The following KLF12 variants were observed in gnomAD, a reference collection of about 807,000 sequenced individuals.
The protein encoded by KLF12 is KLF transcription factor 12, also known as Krueppel-like factor 12.
Under a neutral mutation model 37.8 loss-of-function variants are expected in KLF12, and 9 were observed. The ratio of observed to expected loss-of-function variants is 0.24; its 90% CI spans 0.14 to 0.42. The LOEUF (loss-of-function observed/expected upper bound fraction) is 0.42. KLF12 is among the 10% of genes least tolerant of loss of function. The probability of loss-of-function intolerance (pLI) is 1.00; values close to 1 mark genes in which losing one functional copy is unlikely to be tolerated. For missense variants in KLF12, 411 were observed against 516.0 expected (o/e 0.80, Z 1.97); for synonymous variants, 208 against 202.1 (o/e 1.03, Z -0.25).
At chr13:74,022,102 T>C (rs977084466) in intron 1 of KLF12, among the ~76,000 whole-genome samples, 2 of 152,144 alleles carry the variant, frequency 1.3e-5, no homozygotes, top group Admixed American at 6.5e-5. Flanking sequence ...ATTCTAAATA[T>C]ACTGTCATTA....
chr13:74,000,698 AAGG>A (rs1210768522), intron 1 of KLF12, among the ~76,000 whole-genome samples: 3 of 152,204 alleles, frequency 2.0e-5, no homozygotes, highest in Admixed American at 1.3e-4. Flanking sequence ...CCATTTTCAG[AAGG>A]AGAAGGTAAA....
chr13:73,926,490 T>C (rs2139252661), intron 3 of KLF12, among the ~76,000 whole-genome samples: 1 of 152,096 alleles, frequency 6.6e-6, no homozygotes, highest in African/African-American at 2.4e-5. Flanking sequence ...TAATATGTAC[T>C]AGGAAACAAA....
chr13:73,977,825 A>T (rs1349130490), intron 2 of KLF12, among the ~76,000 whole-genome samples: 1 of 152,252 alleles, frequency 6.6e-6, no homozygotes, highest in Non-Finnish European at 1.5e-5. Context: ...ACATAAATAT[A>T]GTCAACTAAT....
intron 3 of KLF12, among the ~76,000 whole-genome samples, chr13:73,908,939 A>G (rs1888443918): frequency 6.6e-6 from 1 of 152,210 alleles, no homozygotes; most frequent in African/African-American, 2.4e-5. Flanking sequence ...AAAATATTTG[A>G]TGAATGAACA....
intron 1 of KLF12, among the ~76,000 whole-genome samples, chr13:74,124,361 T>C (rs1444308600): frequency 6.6e-6 from 1 of 152,218 alleles, no homozygotes; most frequent in African/African-American, 2.4e-5. Context: ...TTCTGCAAAA[T>C]TTATGTTTTC....
intron 2 of KLF12, among the ~76,000 whole-genome samples, chr13:73,994,324 A>G (rs1410213989): frequency 6.6e-6 from 1 of 152,146 alleles, no homozygotes; most frequent in African/African-American, 2.4e-5. Context: ...CCTACTTACG[A>G]AATAGAGATG....
chr13:73,861,752 A>G (rs1396533036), intron 3 of KLF12, among the ~76,000 whole-genome samples: 1 of 152,092 alleles, frequency 6.6e-6, no homozygotes, highest in African/African-American at 2.4e-5. Context: ...ATGTAAATAT[A>G]TCTACAGAGT....
chr13:73,938,454 A>C (rs985580188), intron 3 of KLF12, among the ~76,000 whole-genome samples: 4 of 152,280 alleles, frequency 2.6e-5, no homozygotes, highest in South Asian at 2.1e-4. Flanking sequence ...TTTTTCAAAA[A>C]AGCACCCGTC....
intron 4 of KLF12, among the ~76,000 whole-genome samples, chr13:73,827,384 G>A (rs957620542): frequency 1.3e-5 from 2 of 152,012 alleles, no homozygotes; most frequent in African/African-American, 2.4e-5. Context: ...GAATACCCAC[G>A]TTTCCCCATA....
chr13:73,838,353 C>T (rs1884552545), intron 4 of KLF12, among the ~76,000 whole-genome samples: 1 of 152,116 alleles, frequency 6.6e-6, no homozygotes, highest in African/African-American at 2.4e-5. Flanking sequence ...TGAATGGATG[C>T]TATGAAAATA....
intron 2 of KLF12, among the ~76,000 whole-genome samples, chr13:73,971,266 A>G (rs1306980708): frequency 6.6e-6 from 1 of 152,164 alleles, no homozygotes; most frequent in African/African-American, 2.4e-5. Flanking sequence ...GGATTTTTAT[A>G]ATGAGGATAA....
intron 4 of KLF12, among the ~76,000 whole-genome samples, chr13:73,833,274 T>C (rs182431678): frequency 1.3e-5 from 2 of 152,336 alleles, no homozygotes; most frequent in Admixed American, 6.5e-5. Context: ...ATCTACGTAT[T>C]AAGACTGTTT....
intron 2 of KLF12, among the ~76,000 whole-genome samples, chr13:73,951,171 C>A (rs907182340): frequency 7.2e-5 from 11 of 152,218 alleles, no homozygotes; most frequent in Admixed American, 3.9e-4. Flanking sequence ...TTATTCAACA[C>A]ATGTACCAGG....
the KLF12 span, among the ~76,000 whole-genome samples, chr13:74,228,776 G>A: frequency 6.6e-6 from 1 of 151,432 alleles, no homozygotes; most frequent in African/African-American, 2.4e-5. Context: ...AAGTTTATTT[G>A]TGTCACAGTT....
the KLF12 span, among the ~76,000 whole-genome samples, chr13:74,194,969 G>A: frequency 6.6e-6 from 1 of 152,098 alleles, no homozygotes; most frequent in African/African-American, 2.4e-5. Flanking sequence ...CACTTCCTTT[G>A]AAGAGTTTGT....
At chr13:74,135,831 G>C (rs922789992), upstream of KLF12, among the ~76,000 whole-genome samples, 5 of 152,182 alleles carry the variant, frequency 3.3e-5, no homozygotes, top group Non-Finnish European at 5.9e-5. Context: ...AGAAACAAGG[G>C]AGAGGCCGAG....
chr13:73,915,689 ATTTTTTTTTTTTTTTTTTT>A (rs140697314), intron 3 of KLF12, among the ~76,000 whole-genome samples: 1 of 99,150 alleles, frequency 1.0e-5, no homozygotes, highest in Non-Finnish European at 2.0e-5. Flanking sequence ...ATTTTTTTGT[ATTTTTTTTTTTTTTTTTTT>A]TTTTTAGTAG....
In KLF12 at chr13:73,693,598, T is replaced by C. The variant is rs746353914; in HGVS notation, c.*1892A>G. On this transcript the variant is annotated 3_prime_UTR_variant, in exon 8 of 8. Coordinates refer to ENST00000377669, the MANE Select transcript of KLF12 (RefSeq NM_007249.5). ...TTCTCGCTTCATCAGAATAAGATTA[T>C]CTGAATTAGAAGATGATCCTAAAAA... 6.6e-5 allele frequency: 10 copies of C among 152,576 alleles called. No homozygotes were observed. Among genetic ancestry groups the C allele is most frequent in the Non-Finnish European group, 1.0e-4 (7 of 68,036 alleles). The allele number at this position is 152,576 out of a possible 1,614,324, so 9.5% of individuals were successfully genotyped here. A position where few individuals can be genotyped will look rare whatever the true frequency, so the allele number is the denominator to read the frequency against.
At chr13:73,995,281 T>C (rs1892078078) in intron 1 of KLF12, among the ~76,000 whole-genome samples, 1 of 151,812 alleles carries the variant, frequency 6.6e-6, no homozygotes, top group African/African-American at 2.4e-5. Context: ...TAGGACAAGA[T>C]CCTGGGCACT....
Sources: gnomAD v4.1 joint callset for allele counts (sites outside exome capture counted in the v4.1 genomes callset) on GRCh38, gnomAD v4.1.1 for gene constraint, MANE v1.5 for transcripts, NCBI Gene and HGNC (gene_info 2026-07-23, HGNC 2026-07-21) for gene names.